The following RYR2 variants were observed in gnomAD, a reference collection of about 807,000 sequenced individuals.
The protein encoded by RYR2 is ryanodine receptor 2.
In RYR2, 227 loss-of-function variants were observed where a neutral mutation model predicts 601.1. The ratio of observed to expected loss-of-function variants is 0.38; its 90% confidence interval spans 0.34 to 0.42. The LOEUF is 0.42. RYR2 is among the 10% of genes least tolerant of loss of function. The probability of loss-of-function intolerance (pLI) is 1.00; values close to 1 mark genes in which losing one functional copy is unlikely to be tolerated. For synonymous variants in RYR2, 2,223 were observed against 2,175.1 expected, an observed-to-expected ratio of 1.02 and a Z score of -0.61; for missense variants, 4,646 against 6,156.5, an observed-to-expected ratio of 0.75 and a Z score of 8.21.
chr1:237,131,186 G>A (rs1469184510), intron 1 of RYR2, among the ~76,000 whole-genome samples: 2 of 152,182 alleles, frequency 1.3e-5, no homozygotes, highest in African/African-American at 4.8e-5. Flanking sequence ...CCCCCTGGGA[G>A]GAATTTGAAG....
intron 1 of RYR2, among the ~76,000 whole-genome samples, chr1:237,252,644 C>G (rs528119225): frequency 6.6e-6 from 1 of 152,088 alleles, no homozygotes; most frequent in African/African-American, 2.4e-5. Context: ...AACAAGTATT[C>G]GTAGTCTTTT....
At chr1:237,191,563 C>A (rs909359710) in intron 1 of RYR2, among the ~76,000 whole-genome samples, 2 of 152,070 alleles carry the variant, frequency 1.3e-5, no homozygotes, top group African/African-American at 4.8e-5. Flanking sequence ...GAAAACACTT[C>A]TTTTGCTGCG....
chr1:237,122,675 G>A (rs982474571), intron 1 of RYR2, among the ~76,000 whole-genome samples: 25 of 137,662 alleles, frequency 1.8e-4, no homozygotes, highest in East Asian at 4.2e-4. Context: ...GAGCAAGACC[G>A]TCTCAAAAAC....
At chr1:237,560,911 C>T (rs75028182) in intron 27 of RYR2, among the ~76,000 whole-genome samples, 2 of 152,212 alleles carry the variant, frequency 1.3e-5, no homozygotes, top group East Asian at 3.9e-4. Context: ...GTTAGTGGTG[C>T]CAATCTGTTC....
At chr1:237,587,095 C>T (rs973328122) in intron 29 of RYR2, among the ~76,000 whole-genome samples, 2 of 152,154 alleles carry the variant, frequency 1.3e-5, no homozygotes, top group Non-Finnish European at 2.9e-5. Flanking sequence ...TCATCTTTTA[C>T]TCCTACTTTC....
intron 2 of RYR2, among the ~76,000 whole-genome samples, chr1:237,283,403 A>G (rs1558552039): frequency 2.0e-5 from 3 of 152,140 alleles, no homozygotes; most frequent in South Asian, 2.1e-4. Flanking sequence ...CTGCTAACTC[A>G]TGTGTCCCTT....
intron 10 of RYR2, among the ~76,000 whole-genome samples, chr1:237,403,234 G>A (rs368667745): frequency 2.2e-4 from 34 of 152,302 alleles, no homozygotes; most frequent in African/African-American, 8.2e-4. Context: ...ATGCACATCA[G>A]AGGAAAACTG....
intron 1 of RYR2, among the ~76,000 whole-genome samples, chr1:237,052,640 A>C (rs1661422831): frequency 6.6e-6 from 1 of 152,130 alleles, no homozygotes; most frequent in Non-Finnish European, 1.5e-5. Flanking sequence ...TTTAAGGACA[A>C]TATTTTCAAG....
chr1:237,360,598 G>A (rs1290520606), intron 4 of RYR2, among the ~76,000 whole-genome samples: 3 of 152,120 alleles, frequency 2.0e-5, no homozygotes, highest in African/African-American at 2.4e-5. Flanking sequence ...GCTGTTTATA[G>A]GTTGAAAAAG....
In RYR2 at chr1:237,717,387, C is replaced by T; in HGVS notation, c.10494+19C>T. On this transcript the variant is annotated intron_variant, in intron 72 of 104. Transcript: ENST00000366574. ...TAGCCTGGTAAGTCTCCTTTTCATC[C>T]CAGCGGTAATGATCATCTGACCTCC... 6.4e-7 allele frequency: 1 copy of T among 1,567,674 alleles called. No homozygotes were observed. Among genetic ancestry groups the T allele is most frequent in the Non-Finnish European group, 8.7e-7 (1 of 1,153,846 alleles).
At chr1:237,795,805 T>C (rs1192595259) in intron 96 of RYR2, among the ~76,000 whole-genome samples, 1 of 148,564 alleles carries the variant, frequency 6.7e-6, no homozygotes, top group African/African-American at 2.5e-5. Flanking sequence ...CTCACGCCTG[T>C]ATGTATATAC....
chr1:237,061,899 T>G (rs1662940847), intron 1 of RYR2, among the ~76,000 whole-genome samples: 1 of 152,128 alleles, frequency 6.6e-6, no homozygotes, highest in African/African-American at 2.4e-5. Context: ...AGGTCTGTGC[T>G]CTTAGAATTG....
chr1:237,182,084 TGAG>T (rs1678823750), intron 1 of RYR2, among the ~76,000 whole-genome samples: 1 of 150,820 alleles, frequency 6.6e-6, no homozygotes, highest in Non-Finnish European at 1.5e-5. Flanking sequence ...GTAGATTATG[TGAG>T]ATGAAACTCC....
intron 1 of RYR2, among the ~76,000 whole-genome samples, chr1:237,110,435 T>G (rs1378215807): frequency 2.7e-5 from 3 of 111,318 alleles, no homozygotes; most frequent in Non-Finnish European, 3.5e-5. Flanking sequence ...CCCACAACAG[T>G]CCCCGAAGTG....
At chr1:237,128,397 G>A (rs982984049) in intron 1 of RYR2, among the ~76,000 whole-genome samples, 34 of 152,172 alleles carry the variant, frequency 2.2e-4, no homozygotes, top group Non-Finnish European at 4.0e-4. Flanking sequence ...TGGGGAGAGG[G>A]AGAGGGAGAG....
chr1:237,387,951 G>T, intron 9 of RYR2, 136 bp from the exon 10 acceptor site: 1 of 750,278 alleles, frequency 1.3e-6, no homozygotes. Flanking sequence ...GTCTATCTCT[G>T]TGACCTTGGC....
At chr1:237,698,105 AGTGTGTGTGTGTGT>A (rs3999833) in intron 63 of RYR2, among the ~76,000 whole-genome samples, 11 of 140,054 alleles carry the variant, frequency 7.9e-5, no homozygotes, top group Non-Finnish European at 1.6e-4. Flanking sequence ...AGGAGATGAT[AGTGTGTGTGTGTGT>A]GTGTGTGTGT....
At chr1:237,231,218 G>C (rs1684964707) in intron 1 of RYR2, among the ~76,000 whole-genome samples, 1 of 152,142 alleles carries the variant, frequency 6.6e-6, no homozygotes, top group Non-Finnish European at 1.5e-5. Flanking sequence ...AGGGGAGGAA[G>C]TGGGGGTGAA....
intron 1 of RYR2, among the ~76,000 whole-genome samples, chr1:237,127,408 G>A (rs867298297): frequency 4.7e-5 from 7 of 149,726 alleles, no homozygotes; most frequent in South Asian, 2.1e-4. Context: ...CTGGCCGGGC[G>A]GGGGGCTGAC....
Sources: allele counts gnomAD v4.1 joint callset (sites outside exome capture counted in the v4.1 genomes callset), GRCh38; gene constraint gnomAD v4.1.1; transcripts MANE v1.5; gene names NCBI Gene and HGNC (gene_info 2026-07-23, HGNC 2026-07-21).